The following NDUFS4 variants were observed in gnomAD, a reference collection of about 807,000 sequenced individuals.
NDUFS4 encodes the protein NADH:ubiquinone oxidoreductase subunit S4, also known as NADH dehydrogenase [ubiquinone] iron-sulfur protein 4, mitochondrial.
A neutral mutation model predicts 24.3 loss-of-function variants in NDUFS4; 28 were observed. The ratio of observed to expected loss-of-function variants is 1.15; its 90% CI spans 0.85 to 1.58. The LOEUF (loss-of-function observed/expected upper bound fraction) is 1.58. NDUFS4 is among the 40% of genes most tolerant of loss of function. The pLI, the probability that NDUFS4 is intolerant of heterozygous loss-of-function variation, is 0.00. For synonymous variants in NDUFS4, 93 were observed against 69.7 expected, an observed-to-expected ratio of 1.34 and a Z score of -1.67; for missense variants, 223 against 207.9, an observed-to-expected ratio of 1.07 and a Z score of -0.45.
chr5:53,568,330 T>C (rs893042724), intron 1 of NDUFS4, among the ~76,000 whole-genome samples: 3 of 152,106 alleles, frequency 2.0e-5, no homozygotes, highest in Non-Finnish European at 4.4e-5. Context: ...TAAGTTTAGG[T>C]TGAGGCTTAG....
chr5:53,600,017 A>C (rs1394810709), intron 1 of NDUFS4, among the ~76,000 whole-genome samples: 7 of 152,030 alleles, frequency 4.6e-5, no homozygotes, highest in Non-Finnish European at 1.0e-4. Flanking sequence ...TTATTTTTTG[A>C]GACGGAGTTT....
intron 1 of NDUFS4, among the ~76,000 whole-genome samples, chr5:53,587,240 G>A (rs72751832): frequency 7.2e-5 from 11 of 151,928 alleles, no homozygotes; most frequent in African/African-American, 2.4e-4. Flanking sequence ...CTTGGAGTCC[G>A]TTTATGCATA....
intron 1 of NDUFS4, among the ~76,000 whole-genome samples, chr5:53,591,402 C>A (rs1749950387): frequency 7.4e-6 from 1 of 134,736 alleles, no homozygotes; most frequent in Non-Finnish European, 1.5e-5. Context: ...CAGCAGTGAG[C>A]AAGTGTTCCA....
intron 2 of NDUFS4, among the ~76,000 whole-genome samples, chr5:53,610,102 T>C (rs1425170579): frequency 2.0e-5 from 3 of 152,220 alleles, no homozygotes; most frequent in Admixed American, 2.0e-4. Context: ...TTGGTCTGTC[T>C]AGGTTTTTGA....
At position 53,683,219 on chromosome 5, in the gene NDUFS4, T is replaced by C. The variant is rs1201409130; in HGVS notation, c.526T>C (p.Ter176GlnextTer9). The change falls in exon 5 of 5, where the codon TAG becomes CAG. Residue 176 changes from the stop codon to glutamine (Q), a stop_lost. Coordinates refer to ENST00000296684, the MANE Select transcript of NDUFS4 (RefSeq NM_002495.4). ...WNKRTRVSTK[*>Q] ...CAAAAGAACAAGAGTATCCACAAAA[T>C]AGGTTGGCACTGACTATATCTCTGC... The C allele has an allele frequency of 3.8e-6, 6 of 1,594,260 alleles. No individual in the cohort carries two copies. Among genetic ancestry groups the C allele is most frequent in the Non-Finnish European group, 4.3e-6 (5 of 1,162,516 alleles).
intron 1 of NDUFS4, among the ~76,000 whole-genome samples, chr5:53,584,643 A>G (rs1749683501): frequency 6.6e-6 from 1 of 152,132 alleles, no homozygotes; most frequent in Non-Finnish European, 1.5e-5. Flanking sequence ...CCTGGCCTCA[A>G]ATGAGTTTTT....
chr5:53,624,017 C>G (rs1034260482), intron 2 of NDUFS4, among the ~76,000 whole-genome samples: 1 of 152,070 alleles, frequency 6.6e-6, no homozygotes, highest in Non-Finnish European at 1.5e-5. Flanking sequence ...ACGCCCGGCC[C>G]TTTGATCCAT....
Position 53,646,403 on chromosome 5 carries a change from A to T in NDUFS4, c.348A>T (p.Ser116=). ...RWENPLMGWA[S]TADPLSNMVL... ...AAAATCCTTTGATGGGTTGGGCATCAACGTGAGTACTTTATTTTAATGTGA... is the reference window on the plus strand; with the variant it reads ...AAAATCCTTTGATGGGTTGGGCATCTACGTGAGTACTTTATTTTAATGTGA... The change falls in exon 3 of 5, where the codon TCA becomes TCT. Residue 116 remains serine, a splice_region_variant and synonymous_variant. Transcript: ENST00000296684. 6.2e-7 allele frequency: 1 copy of T among 1,613,372 alleles called. No homozygotes were observed. The highest frequency in any genetic ancestry group is 8.5e-7 in the Non-Finnish European group (1 of 1,179,376).
At chr5:53,661,046 T>C (rs1034633307) in intron 4 of NDUFS4, among the ~76,000 whole-genome samples, 13 of 152,206 alleles carry the variant, frequency 8.5e-5, no homozygotes, top group African/African-American at 3.1e-4. Context: ...TGCCATTGCT[T>C]TTGGTGTTTT....
intron 1 of NDUFS4, among the ~76,000 whole-genome samples, chr5:53,584,903 G>A (rs1471210459): frequency 6.6e-6 from 1 of 151,876 alleles, no homozygotes; most frequent in East Asian, 1.9e-4. Flanking sequence ...AAGTAGCTGG[G>A]ATTACAGGTG....
chr5:53,645,459 G>A (rs556965184), intron 2 of NDUFS4, among the ~76,000 whole-genome samples: 2 of 152,248 alleles, frequency 1.3e-5, no homozygotes, highest in South Asian at 4.1e-4. Context: ...CTGCTACTAT[G>A]TTTTGATAAA....
chr5:53,673,104 G>A (rs80312541), intron 4 of NDUFS4, among the ~76,000 whole-genome samples: 2,655 of 152,174 alleles, frequency 0.017, 78 homozygotes, highest in African/African-American at 0.06. Flanking sequence ...GAGCAGTGAA[G>A]GCATTGATAA....
chr5:53,568,708 A>T (rs1749120190), intron 1 of NDUFS4, among the ~76,000 whole-genome samples: 1 of 152,140 alleles, frequency 6.6e-6, no homozygotes, highest in Admixed American at 6.5e-5. Context: ...ATTTTAAGAA[A>T]GTGTTTTATC....
At chr5:53,678,658 T>C (rs1262994875) in intron 4 of NDUFS4, among the ~76,000 whole-genome samples, 2 of 152,288 alleles carry the variant, frequency 1.3e-5, no homozygotes, top group African/African-American at 2.4e-5. Flanking sequence ...GTTTGGGCTC[T>C]TTCTTTTAAA....
At chr5:53,574,453 A>G (rs563719228) in intron 1 of NDUFS4, among the ~76,000 whole-genome samples, 1 of 152,178 alleles carries the variant, frequency 6.6e-6, no homozygotes, top group African/African-American at 2.4e-5. Context: ...ATACTGGCAT[A>G]TTTGGTTTCC....
chr5:53,640,127 A>T (rs1751669891), intron 2 of NDUFS4, among the ~76,000 whole-genome samples: 1 of 151,370 alleles, frequency 6.6e-6, no homozygotes, highest in South Asian at 2.1e-4. Context: ...CTTTTGGGAG[A>T]CCTTGAATCC....
Position 53,680,284 on chromosome 5 carries a change from C to T in NDUFS4, c.425-2834C>T, listed in dbSNP as rs13171615. The stretch of plus-strand genomic sequence containing the variant: ...TCAATAAAAATACATTTCAGTGTGG[C>T]GATTCCTCAGGGATCTAGAACTAGA... On this transcript the variant is annotated intron_variant, in intron 4 of 4. Transcript: ENST00000296684. Among the ~76,000 whole-genome samples, 12 of 152,026 alleles carry T rather than the reference C, an allele frequency of 7.9e-5. No individual in the cohort carries two copies. In the South Asian group the frequency reaches 8.3e-4, roughly 11 times the overall value.
intron 2 of NDUFS4, among the ~76,000 whole-genome samples, chr5:53,623,658 TTTC>T (rs1751125988): frequency 6.6e-6 from 1 of 152,192 alleles, no homozygotes; most frequent in Non-Finnish European, 1.5e-5. Flanking sequence ...CCTCCTATGT[TTTC>T]TTCTCAAAGT....
In NDUFS4 at chr5:53,632,433, A is replaced by G. The variant is rs557873698; in HGVS notation, c.178-13800A>G. Reference sequence around the variant, plus strand: ...CAAAATCTTTACTCTGACTTGTTAGAACTTCTCATTACTTGTCCCACTTCA... The same window carrying G: ...CAAAATCTTTACTCTGACTTGTTAGGACTTCTCATTACTTGTCCCACTTCA... On this transcript the variant is annotated intron_variant, in intron 2 of 4. Transcript: ENST00000296684. Among the ~76,000 whole-genome samples, 9 of 152,264 alleles carry G rather than the reference A, an allele frequency of 5.9e-5. No individual in the cohort carries two copies. In the South Asian group the frequency reaches 1.9e-3, roughly 32 times the overall value.
Sources: allele counts gnomAD v4.1 joint callset (sites outside exome capture counted in the v4.1 genomes callset), GRCh38; gene constraint gnomAD v4.1.1; transcripts MANE v1.5; gene names NCBI Gene and HGNC (gene_info 2026-07-23, HGNC 2026-07-21).